The following PRKCE variants were observed in gnomAD, a reference collection of about 807,000 sequenced individuals.
PRKCE encodes the protein protein kinase C epsilon.
A neutral mutation model predicts 85.4 loss-of-function variants in PRKCE; 16 were observed. The observed-to-expected ratio is 0.19, with a 90% CI of 0.13 to 0.28. The LOEUF is 0.28. Ranked by LOEUF, PRKCE falls within the 10% of genes least tolerant of loss-of-function variation. The probability of loss-of-function intolerance (pLI) is 1.00; values close to 1 mark genes in which losing one functional copy is unlikely to be tolerated. For synonymous variants in PRKCE, 388 were observed against 371.5 expected, an observed-to-expected ratio of 1.04 and a Z score of -0.51; for missense variants, 573 against 975.2, an observed-to-expected ratio of 0.59 and a Z score of 5.49.
At chr2:46,083,143 G>A (rs780099304) in intron 10 of PRKCE, among the ~76,000 whole-genome samples, 2 of 152,176 alleles carry the variant, frequency 1.3e-5, no homozygotes, top group Non-Finnish European at 2.9e-5. Flanking sequence ...TATAGACAGG[G>A]TTTCGCCATG....
At chr2:46,090,071 G>A (rs1213252959) in intron 11 of PRKCE, among the ~76,000 whole-genome samples, 1 of 152,150 alleles carries the variant, frequency 6.6e-6, no homozygotes, top group African/African-American at 2.4e-5. Context: ...AAACAGAATG[G>A]TCATGAGTAG....
chr2:45,944,847 C>T (rs1700136673), intron 2 of PRKCE, among the ~76,000 whole-genome samples: 1 of 152,056 alleles, frequency 6.6e-6, no homozygotes, highest in Admixed American at 6.5e-5. Flanking sequence ...AGTGACTTCA[C>T]TTATAAATCT....
chr2:46,147,225 C>G (rs994420701), intron 12 of PRKCE, among the ~76,000 whole-genome samples: 1 of 152,228 alleles, frequency 6.6e-6, no homozygotes, highest in African/African-American at 2.4e-5. Flanking sequence ...CAAGGAGCAA[C>G]AAATGAAAGC....
At chr2:46,170,608 G>GT (rs1439180722) in intron 14 of PRKCE, among the ~76,000 whole-genome samples, 1 of 152,086 alleles carries the variant, frequency 6.6e-6, no homozygotes, top group Non-Finnish European at 1.5e-5. Context: ...GATATACAGT[G>GT]TTTTTTTCAG....
chr2:46,104,986 C>G (rs1054759336), intron 11 of PRKCE, among the ~76,000 whole-genome samples: 17 of 151,688 alleles, frequency 1.1e-4, no homozygotes, highest in African/African-American at 4.1e-4. Flanking sequence ...GGTTCTCTTC[C>G]TTACTAATAA....
In PRKCE at chr2:46,123,214, C is replaced by CTTTTTTTTTTTTTTTTTT. The variant is rs70937991; in HGVS notation, c.1593-21867_1593-21850dup. ...AAGCTTTACAAAGGAAAACACTTGC[C>CTTTTTTTTTTTTTTTTTT]TTTTTTTTTTTTTTTTTTTTTTTTT... On this transcript the variant is annotated intron_variant, in intron 11 of 14. Coordinates refer to ENST00000306156, the MANE Select transcript of PRKCE (RefSeq NM_005400.3). Among the ~76,000 whole-genome samples the CTTTTTTTTTTTTTTTTTT allele has an allele frequency of 2.7e-3, 74 of 27,372 alleles. 25 individuals are homozygous for CTTTTTTTTTTTTTTTTTT. Among genetic ancestry groups the CTTTTTTTTTTTTTTTTTT allele is most frequent in the South Asian group, 5.6e-3 (2 of 360 alleles). The allele number at this position is 27,372 out of a possible 152,430, so 18.0% of individuals were successfully genotyped here.
chr2:46,124,284 C>T (rs1422325170), intron 11 of PRKCE, among the ~76,000 whole-genome samples: 1 of 152,092 alleles, frequency 6.6e-6, no homozygotes, highest in Non-Finnish European at 1.5e-5. Flanking sequence ...AAGATCGCAC[C>T]ACTGCACTCC....
rs531302468 is a variant in PRKCE at position 46,012,837 on chromosome 2, A to G, written c.1437+2320A>G. On this transcript the variant is annotated intron_variant, in intron 10 of 14. Coordinates refer to ENST00000306156, the MANE Select transcript of PRKCE (RefSeq NM_005400.3). ...CTCATCATATGGCAGCTTTTGGAGC[A>G]CAAAATGGTGTTGAATAACACCAGG... is the stretch of plus-strand genomic sequence containing the variant. 2.8e-4 allele frequency among the ~76,000 whole-genome samples: 42 copies of G among 152,388 alleles called. No individual in the cohort carries two copies. In the South Asian group the frequency reaches 8.7e-3, roughly 32 times the overall value.
intron 1 of PRKCE, among the ~76,000 whole-genome samples, chr2:45,760,694 A>G (rs1684395249): frequency 6.6e-6 from 1 of 152,164 alleles, no homozygotes; most frequent in Admixed American, 6.5e-5. Context: ...CAAATTCCCA[A>G]AGGAGGCTTT....
At chr2:45,912,950 G>T (rs1265296598) in intron 2 of PRKCE, among the ~76,000 whole-genome samples, 3 of 152,062 alleles carry the variant, frequency 2.0e-5, no homozygotes, top group Non-Finnish European at 4.4e-5. Flanking sequence ...AGGACACAGT[G>T]GTTCCATAGT....
At chr2:45,791,428 G>A (rs561341506) in intron 1 of PRKCE, among the ~76,000 whole-genome samples, 2 of 152,282 alleles carry the variant, frequency 1.3e-5, no homozygotes, top group African/African-American at 4.8e-5. Flanking sequence ...CACCCGCTGG[G>A]CCTTGCCCCC....
intron 1 of PRKCE, among the ~76,000 whole-genome samples, chr2:45,791,084 A>T (rs11898074): frequency 6.6e-6 from 1 of 151,994 alleles, no homozygotes; most frequent in South Asian, 2.1e-4. Flanking sequence ...ACTTTGGTGA[A>T]GAAGGGAAGG....
intron 1 of PRKCE, among the ~76,000 whole-genome samples, chr2:45,662,880 C>CAAGA (rs1491584542): frequency 6.8e-6 from 1 of 147,400 alleles, no homozygotes; most frequent in Non-Finnish European, 1.5e-5. Flanking sequence ...AGCAAGCAAG[C>CAAGA]AAGCAAGCAA....
chr2:46,031,591 CGTGTGTGTGTGTGTGTGTGT>C (rs58684318), intron 10 of PRKCE, among the ~76,000 whole-genome samples: 92 of 144,124 alleles, frequency 6.4e-4, no homozygotes, highest in Non-Finnish European at 1.1e-3. Flanking sequence ...ACATTCTGCT[CGTGTGTGTGTGTGTGTGTGT>C]GTGTGTGTGT....
At chr2:45,949,100 ATCTC>A (rs1019957249) in intron 2 of PRKCE, among the ~76,000 whole-genome samples, 9 of 152,170 alleles carry the variant, frequency 5.9e-5, no homozygotes, top group African/African-American at 1.7e-4. Context: ...AAGTGTGCAA[ATCTC>A]TCTAAGATAT....
At chr2:45,962,863 G>C in intron 2 of PRKCE, among the ~76,000 whole-genome samples, 1 of 152,146 alleles carries the variant, frequency 6.6e-6, no homozygotes, top group Non-Finnish European at 1.5e-5. Flanking sequence ...GATGCTTTCA[G>C]TTATTAAAAG....
At chr2:46,080,697 G>C (rs541136255) in intron 10 of PRKCE, among the ~76,000 whole-genome samples, 2 of 152,314 alleles carry the variant, frequency 1.3e-5, no homozygotes, top group South Asian at 4.1e-4. Context: ...CACCTCCTCA[G>C]GTATGGAGTT....
chr2:46,081,002 C>CACACAT (rs1209707632), intron 10 of PRKCE, among the ~76,000 whole-genome samples: 34 of 147,688 alleles, frequency 2.3e-4, no homozygotes, highest in African/African-American at 8.1e-4. Context: ...CACACACACA[C>CACACAT]ATTTTTAGAG....
intron 5 of PRKCE, among the ~76,000 whole-genome samples, chr2:45,982,362 G>A (rs1203700998): frequency 6.6e-6 from 1 of 152,188 alleles, no homozygotes; most frequent in African/African-American, 2.4e-5. Context: ...TAAACACCAT[G>A]CTTTCAATGC....
Sources: gnomAD v4.1 joint callset for allele counts (sites outside exome capture counted in the v4.1 genomes callset) on GRCh38, gnomAD v4.1.1 for gene constraint, MANE v1.5 for transcripts, NCBI Gene and HGNC (gene_info 2026-07-23, HGNC 2026-07-21) for gene names.